Variants in GALNT10 observed in about 807,000 individuals in gnomAD.
GALNT10 encodes the protein GalNAc transferase 10.
In GALNT10, 41 loss-of-function variants were observed where a neutral mutation model predicts 75.0. The observed-to-expected ratio is 0.55, with a 90% CI of 0.43 to 0.71. GALNT10 has a LOEUF of 0.71. Ranked by LOEUF, GALNT10 falls within the 30% of genes least tolerant of loss-of-function variation. The pLI is 0.00. For missense variants in GALNT10, 727 were observed against 818.5 expected (o/e 0.89, Z 1.36); for synonymous variants, 302 against 313.0 (o/e 0.96, Z 0.37).
In GALNT10 at chr5:154,376,688, G is replaced by A. The variant is rs574517141; in HGVS notation, c.754+226G>A. Among the ~76,000 whole-genome samples, 5 of 152,214 alleles carry A rather than the reference G, an allele frequency of 3.3e-5. No individual in the cohort carries two copies. The highest frequency in any genetic ancestry group is 2.1e-4 in the South Asian group (1 of 4,818). ...CAGAGAAGTTAAGACTCAGAGAGGC[G>A]AAGTGACTTACCCAAAGTCACACAG... On this transcript the variant is annotated intron_variant, in intron 5 of 11. Transcript: ENST00000297107. The surrounding 1 kb of genome is among the most constrained non-coding windows in gnomAD (Gnocchi z 4.1).
At chr5:154,322,976 C>T (rs1754697388) in intron 3 of GALNT10, among the ~76,000 whole-genome samples, 1 of 152,130 alleles carries the variant, frequency 6.6e-6, no homozygotes. Flanking sequence ...CTAGGCTAAG[C>T]ATAAAAATTT....
rs571973344 is a variant in GALNT10 at position 154,343,361 on chromosome 5, C to T, written c.568+13623C>T. 1.2e-4 allele frequency among the ~76,000 whole-genome samples: 18 copies of T among 152,188 alleles called. No individual in the cohort carries two copies. The South Asian group carries it at 1.2e-3, about 11-fold the overall frequency. ...GGGAAAGCTCTCCTTCAAAGCCCCA[C>T]GGCAGAGACACAGCTGACATCTCTG... On this transcript the variant is annotated intron_variant, in intron 4 of 11. Transcript: ENST00000297107.
intron 7 of GALNT10, among the ~76,000 whole-genome samples, chr5:154,391,406 T>C (rs780689594): frequency 6.6e-6 from 1 of 152,152 alleles, no homozygotes; most frequent in Non-Finnish European, 1.5e-5. Flanking sequence ...CCAAAAAGTG[T>C]CCCAACAGCT....
chr5:154,285,640 C>T (rs1754100102), intron 1 of GALNT10, among the ~76,000 whole-genome samples: 1 of 152,152 alleles, frequency 6.6e-6, no homozygotes, highest in East Asian at 1.9e-4. Context: ...TTCTGCCTTC[C>T]CAGCATAAGC....
intron 1 of GALNT10, among the ~76,000 whole-genome samples, chr5:154,242,330 C>T (rs899507181): frequency 5.3e-5 from 8 of 152,260 alleles, no homozygotes; most frequent in African/African-American, 1.9e-4. Flanking sequence ...TGAGGCCGCA[C>T]TTTTCTGGTG....
intron 4 of GALNT10, among the ~76,000 whole-genome samples, chr5:154,365,746 C>G (rs1008539302): frequency 6.6e-6 from 1 of 152,170 alleles, no homozygotes; most frequent in Non-Finnish European, 1.5e-5. Context: ...CTCACCCTTC[C>G]TTCCACACCA....
chr5:154,323,089 T>A (rs1404226376), intron 3 of GALNT10, among the ~76,000 whole-genome samples: 3 of 152,188 alleles, frequency 2.0e-5, no homozygotes, highest in Non-Finnish European at 4.4e-5. Flanking sequence ...TCTAGGAGAT[T>A]GAATAGGGCT....
rs1756614735 is a variant in GALNT10, at chr5:154,420,871, A to C, written c.*3899A>C. The stretch of plus-strand genomic sequence containing the variant: ...GACTGGAATTCCAGGCCAAAAGCTC[A>C]AGACCACCAGCCTCTCCTCCTGCCT... On this transcript the variant is annotated 3_prime_UTR_variant, in exon 12 of 12. Transcript: ENST00000297107. 6.6e-6 allele frequency: 1 copy of C among 152,234 alleles called. No homozygotes were observed. The highest frequency in any genetic ancestry group is 1.5e-5 in the Non-Finnish European group (1 of 68,050). 9.4% of individuals were successfully genotyped at this position (152,234 alleles called of 1,614,324 possible).
In GALNT10 at chr5:154,362,977, T is replaced by C. The variant is rs996689405; in HGVS notation, c.569-13300T>C. ...GTGTTCTAACCTACCAACCGTCCAC[T>C]TGGGCAGAAGAACTCTCTCCCAACC... On this transcript the variant is annotated intron_variant, in intron 4 of 11. Coordinates refer to ENST00000297107, the MANE Select transcript of GALNT10 (RefSeq NM_198321.4). 3.9e-5 allele frequency among the ~76,000 whole-genome samples: 6 copies of C among 152,210 alleles called. No homozygotes were observed. The East Asian group carries it at 9.6e-4, about 24-fold the overall frequency.
chr5:154,347,263 T>C (rs534062572), intron 4 of GALNT10: 3 of 465,798 alleles, frequency 6.4e-6, no homozygotes, highest in South Asian at 5.1e-5. Flanking sequence ...GACAAGCGCA[T>C]GGCAGAGTCA....
chr5:154,389,470 T>G (rs1415614519), intron 7 of GALNT10: 2 of 151,678 alleles, frequency 1.3e-5, no homozygotes, highest in Admixed American at 1.3e-4. Context: ...TAATTCCAGC[T>G]ACTCAGGAGG....
intron 4 of GALNT10, among the ~76,000 whole-genome samples, chr5:154,374,263 G>T (rs1156509484): frequency 6.6e-6 from 1 of 152,168 alleles, no homozygotes; most frequent in African/African-American, 2.4e-5. Flanking sequence ...ATTAATCTTT[G>T]TGCACAAGCA....
Position 154,190,976 on chromosome 5 carries a change from A to G in GALNT10, c.110A>G (p.Asp37Gly). 1.3e-6 allele frequency: 2 copies of G among 1,505,004 alleles called. No homozygotes were observed. Among genetic ancestry groups the G allele is most frequent in the Non-Finnish European group, 1.8e-6 (2 of 1,128,306 alleles). The allele number at this position is 1,505,004 out of a possible 1,614,324, so 93.2% of individuals were successfully genotyped here. The part of the protein sequence containing the change: ...LWALYRERQP[D>G]GTPGGSGAAV... ...GCGCTGTACCGCGAGCGGCAGCCCG[A>G]CGGCACCCCTGGGGGATCGGGGGCG... Residue 37 changes from aspartate to glycine, a missense_variant, in exon 1 of 12, where the codon GAC (aspartate) becomes GGC (glycine). Transcript: ENST00000297107.
chr5:154,314,957 G>GA (rs1209844994), intron 3 of GALNT10, among the ~76,000 whole-genome samples: 1 of 152,074 alleles, frequency 6.6e-6, no homozygotes, highest in Non-Finnish European at 1.5e-5. Context: ...TTAATGTCAT[G>GA]ATGGCCCAGT....
At chr5:154,378,748 A>T (rs1001525645) in intron 5 of GALNT10, among the ~76,000 whole-genome samples, 6 of 152,212 alleles carry the variant, frequency 3.9e-5, no homozygotes, top group African/African-American at 1.4e-4. Flanking sequence ...GAACCTGGGC[A>T]TTCTGTCCCC....
chr5:154,276,795 G>A (rs1753960094), intron 1 of GALNT10, among the ~76,000 whole-genome samples: 1 of 152,162 alleles, frequency 6.6e-6, no homozygotes, highest in South Asian at 2.1e-4. Context: ...AGAGGTCAGT[G>A]GAAGGGAGAT....
chr5:154,419,964 C>T lies in GALNT10; in HGVS notation c.*2992C>T, dbSNP rs1756595391. 1 of 152,268 alleles carries T rather than the reference C, an allele frequency of 6.6e-6. No individual in the cohort carries two copies. Among genetic ancestry groups the T allele is most frequent in the Admixed American group, 6.5e-5 (1 of 15,282 alleles). 9.4% of individuals were successfully genotyped at this position (152,268 alleles called of 1,614,324 possible). ...GTATCGTGACCATGTGGCCCACCAG[C>T]AGCCTTTCCAAAGGGGAACTCCAGA... On this transcript the variant is annotated 3_prime_UTR_variant, in exon 12 of 12. Coordinates refer to ENST00000297107, the MANE Select transcript of GALNT10 (RefSeq NM_198321.4).
chr5:154,403,971 T>C, intron 7 of GALNT10, 133 bp from the exon 8 acceptor site: 1 of 754,270 alleles, frequency 1.3e-6, no homozygotes, highest in Non-Finnish European at 2.4e-6. Flanking sequence ...CCCATGTCAT[T>C]AGGTCTGTGA....
chr5:154,229,081 G>A (rs1359603811), intron 1 of GALNT10, among the ~76,000 whole-genome samples: 2 of 152,202 alleles, frequency 1.3e-5, no homozygotes, highest in Non-Finnish European at 2.9e-5. Context: ...TTCTTCTCTG[G>A]TAACGTGGGA....
Sources: allele counts gnomAD v4.1 joint callset (sites outside exome capture counted in the v4.1 genomes callset), GRCh38; gene constraint gnomAD v4.1.1; non-coding constraint Gnocchi (gnomAD v3.1); transcripts MANE v1.5; gene names NCBI Gene and HGNC (gene_info 2026-07-23, HGNC 2026-07-21).